SNX29: variants seen among roughly 807,000 people sequenced by gnomAD.
SNX29 encodes sorting nexin-29.
In SNX29, 78 loss-of-function variants were observed where a neutral mutation model predicts 102.1. That is an observed-to-expected ratio of 0.76 (90% CI 0.64 to 0.92). The LOEUF (loss-of-function observed/expected upper bound fraction) is 0.92, where lower values mean the gene tolerates loss of function less well. Ranked by LOEUF, SNX29 falls within the 40% of genes least tolerant of loss-of-function variation. SNX29 has a pLI of 0.00. For missense variants in SNX29, 1,280 were observed against 1,061.7 expected, an observed-to-expected ratio of 1.21 and a Z score of -2.86; for synonymous variants, 580 against 414.5, an observed-to-expected ratio of 1.40 and a Z score of -4.85.
intron 13 of SNX29, 65 bp downstream of exon 13, chr16:12,129,823 G>C (rs561812535): frequency 5.2e-4 from 784 of 1,496,882 alleles, no homozygotes; most frequent in Non-Finnish European, 6.8e-4. Flanking sequence ...GAGCATACTG[G>C]GCCGGGCACG....
At chr16:12,563,051 C>G (rs573617344) in intron 20 of SNX29, among the ~76,000 whole-genome samples, 3 of 152,102 alleles carry the variant, frequency 2.0e-5, no homozygotes, top group Admixed American at 6.6e-5. Context: ...AAGGTCACCT[C>G]GAAATGTAGG....
chr16:12,476,403 T>C (rs1317632868), intron 18 of SNX29, among the ~76,000 whole-genome samples: 84 of 20,558 alleles, frequency 4.1e-3, no homozygotes, highest in African/African-American at 0.019. Context: ...TATATATATA[T>C]ATATATATAC....
At chr16:12,223,187 A>G (rs2077522922) in intron 14 of SNX29, among the ~76,000 whole-genome samples, 2 of 152,270 alleles carry the variant, frequency 1.3e-5, no homozygotes, top group South Asian at 2.1e-4. Context: ...GGCAAGTTAC[A>G]TACCCTCCCT....
intron 18 of SNX29, among the ~76,000 whole-genome samples, chr16:12,465,945 A>T (rs937528473): frequency 2.6e-5 from 4 of 152,114 alleles, no homozygotes; most frequent in African/African-American, 9.7e-5. Context: ...ACAAAATTCA[A>T]CATCCTTTCA....
intron 3 of SNX29, among the ~76,000 whole-genome samples, chr16:12,022,434 C>T (rs2057056278): frequency 1.3e-5 from 2 of 152,128 alleles, no homozygotes; most frequent in Admixed American, 1.3e-4. Context: ...CTCCTGACCT[C>T]AGGTGATCTG....
intron 13 of SNX29, among the ~76,000 whole-genome samples, chr16:12,147,460 C>T (rs2055111686): frequency 6.6e-6 from 1 of 152,094 alleles, no homozygotes. Flanking sequence ...CTTGTCTTTT[C>T]TAATGAGAAG....
chr16:12,274,386 C>T (rs2079181996), intron 14 of SNX29, among the ~76,000 whole-genome samples: 1 of 152,154 alleles, frequency 6.6e-6, no homozygotes, highest in South Asian at 2.1e-4. Context: ...TTGCTTTTGT[C>T]CATTTTGCTG....
At chr16:12,534,729 C>G (rs2077024592) in intron 20 of SNX29, among the ~76,000 whole-genome samples, 1 of 152,236 alleles carries the variant, frequency 6.6e-6, no homozygotes, top group Non-Finnish European at 1.5e-5. Flanking sequence ...ACTCACTGCC[C>G]CTTGCCCTAC....
intron 4 of SNX29, among the ~76,000 whole-genome samples, chr16:12,035,041 GGCCTCT>G (rs1353044613): frequency 1.3e-5 from 2 of 151,752 alleles, no homozygotes; most frequent in Non-Finnish European, 2.9e-5. Context: ...GACTCAGTTT[GGCCTCT>G]GAGTTGTCAG....
At chr16:12,405,889 A>G (rs1340414015) in intron 18 of SNX29, among the ~76,000 whole-genome samples, 4 of 152,042 alleles carry the variant, frequency 2.6e-5, no homozygotes, top group Admixed American at 6.6e-5. Context: ...CAAATTAGCC[A>G]GGCGTGGTGG....
At chr16:11,982,799 A>C (rs1416908121) in intron 1 of SNX29, among the ~76,000 whole-genome samples, 1 of 152,160 alleles carries the variant, frequency 6.6e-6, no homozygotes, top group Admixed American at 6.6e-5. Flanking sequence ...GTGATCAAAC[A>C]ATTTGTGTAA....
chr16:12,417,158 C>A (rs939075667), intron 18 of SNX29, among the ~76,000 whole-genome samples: 5 of 152,208 alleles, frequency 3.3e-5, no homozygotes, highest in Admixed American at 2.0e-4. Context: ...CATTCTACTC[C>A]ATAATCCATC....
chr16:12,265,513 T>C (rs1054824951), intron 14 of SNX29, among the ~76,000 whole-genome samples: 41 of 151,938 alleles, frequency 2.7e-4, no homozygotes, highest in Non-Finnish European at 5.7e-4. Flanking sequence ...AATGGACAGG[T>C]GTTCTGATTT....
chr16:12,258,092 A>G (rs556463907), intron 14 of SNX29, among the ~76,000 whole-genome samples: 1 of 152,232 alleles, frequency 6.6e-6, no homozygotes. Flanking sequence ...TCTGCTCTTC[A>G]CACAGCAGCC....
intron 20 of SNX29, among the ~76,000 whole-genome samples, chr16:12,540,669 G>A (rs1247042203): frequency 6.6e-6 from 1 of 152,196 alleles, no homozygotes; most frequent in Non-Finnish European, 1.5e-5. Context: ...TGTAACCACA[G>A]CTGCTGGTCC....
chr16:12,417,467 A>G (rs1050946415), intron 18 of SNX29, among the ~76,000 whole-genome samples: 10 of 152,184 alleles, frequency 6.6e-5, no homozygotes, highest in African/African-American at 2.4e-4. Flanking sequence ...CTAGTGGGTC[A>G]GAGGGGGTGG....
chr16:12,027,606 G>T, intron 4 of SNX29, 162 bp downstream of exon 4: 1 of 740,002 alleles, frequency 1.4e-6, no homozygotes, highest in East Asian at 3.2e-5. Flanking sequence ...AAAACGTAAT[G>T]GTGTTGTCTG....
In SNX29 at chr16:12,371,527, C is replaced by T. The variant is rs186000542; in HGVS notation, c.1899+15248C>T. 2.0e-3 allele frequency among the ~76,000 whole-genome samples: 301 copies of T among 152,306 alleles called. 2 individuals carry two copies. Among genetic ancestry groups the T allele is most frequent in the African/African-American group, 6.9e-3 (286 of 41,550 alleles). On this transcript the variant is annotated intron_variant, in intron 16 of 20. Coordinates refer to ENST00000566228, the MANE Select transcript of SNX29 (RefSeq NM_032167.5). Reference sequence around the variant, plus strand: ...CTTTCTATGTTGCCCATACTGGTCTCGAACTTCTGGGCTCAAGCAATCCTG... The same window carrying T: ...CTTTCTATGTTGCCCATACTGGTCTTGAACTTCTGGGCTCAAGCAATCCTG...
At chr16:12,290,994 T>C (rs1260598682) in intron 15 of SNX29, among the ~76,000 whole-genome samples, 2 of 152,196 alleles carry the variant, frequency 1.3e-5, no homozygotes, top group South Asian at 4.1e-4. Context: ...CTATTCAGCT[T>C]GTTATTTACC....
Sources: gnomAD v4.1 joint callset for allele counts (sites outside exome capture counted in the v4.1 genomes callset) on GRCh38, gnomAD v4.1.1 for gene constraint, MANE v1.5 for transcripts, NCBI Gene and HGNC (gene_info 2026-07-23, HGNC 2026-07-21) for gene names.